Variants in MAGI2 observed in about 807,000 individuals in gnomAD.
The protein encoded by MAGI2 is membrane-associated guanylate kinase, WW and PDZ domain-containing protein 2.
In MAGI2, 35 loss-of-function variants were observed where a neutral mutation model predicts 133.3. The ratio of observed to expected loss-of-function variants is 0.26; its 90% confidence interval spans 0.20 to 0.35. MAGI2 has a LOEUF of 0.35. MAGI2 is among the 10% of genes least tolerant of loss of function. The probability of loss-of-function intolerance (pLI) is 1.00; values close to 1 mark genes in which losing one functional copy is unlikely to be tolerated. For missense variants in MAGI2, 1,636 were observed against 1,863.4 expected, an observed-to-expected ratio of 0.88 and a Z score of 2.25; for synonymous variants, 729 against 710.6, an observed-to-expected ratio of 1.03 and a Z score of -0.41.
intron 1 of MAGI2, among the ~76,000 whole-genome samples, chr7:79,184,295 A>G (rs2129550549): frequency 6.6e-6 from 1 of 151,570 alleles, no homozygotes; most frequent in East Asian, 1.9e-4. Flanking sequence ...AATAAACATT[A>G]TACTATACCC....
intron 1 of MAGI2, among the ~76,000 whole-genome samples, chr7:79,013,560 C>A (rs1808395266): frequency 6.6e-6 from 1 of 152,096 alleles, no homozygotes; most frequent in East Asian, 1.9e-4. Context: ...TGGCTCACCT[C>A]AAAAATGAGA....
intron 6 of MAGI2, among the ~76,000 whole-genome samples, chr7:78,452,725 C>A (rs1226038395): frequency 6.6e-6 from 1 of 150,666 alleles, no homozygotes; most frequent in Non-Finnish European, 1.5e-5. Context: ...CACTAGATAC[C>A]AAGTACCAGG....
intron 1 of MAGI2, among the ~76,000 whole-genome samples, chr7:79,336,278 T>A (rs1198283467): frequency 6.6e-6 from 1 of 152,088 alleles, no homozygotes; most frequent in Non-Finnish European, 1.5e-5. Context: ...GTCACACTAC[T>A]ATTAAGAGGC....
chr7:78,082,044 A>T (rs1585044470), intron 20 of MAGI2, among the ~76,000 whole-genome samples: 1 of 152,280 alleles, frequency 6.6e-6, no homozygotes, highest in East Asian at 1.9e-4. Flanking sequence ...ACCCCCTCGA[A>T]CCCCAAATCG....
rs1431576563 is a variant in MAGI2 at position 78,626,991 on chromosome 7, C to T, written c.538+129G>A. The T allele has an allele frequency of 3.7e-6, 3 of 816,026 alleles. No homozygotes were observed. In the Admixed American group the frequency reaches 1.0e-4, roughly 28 times the overall value. 50.5% of individuals were successfully genotyped at this position (816,026 alleles called of 1,614,324 possible). On this transcript the variant is annotated intron_variant, in intron 3 of 21. Coordinates refer to ENST00000354212, the MANE Select transcript of MAGI2 (RefSeq NM_012301.4). The stretch of plus-strand genomic sequence containing the variant: ...ATTTTAACTTTTTTAGGATACATTT[C>T]TAAACTCATCTTATTAAAGCTCTCA...
intron 2 of MAGI2, among the ~76,000 whole-genome samples, chr7:78,950,687 T>C (rs1320514717): frequency 2.6e-5 from 4 of 152,186 alleles, no homozygotes; most frequent in Non-Finnish European, 5.9e-5. Flanking sequence ...GCAGTCTTTA[T>C]GAGAAAAGAT....
At chr7:78,369,048 A>T in intron 7 of MAGI2, 108 bp downstream of exon 7, 1 of 715,752 alleles carries the variant, frequency 1.4e-6, no homozygotes, top group South Asian at 2.4e-5. Context: ...TCAAAGTAAG[A>T]TGAAAGGGAA....
intron 4 of MAGI2, among the ~76,000 whole-genome samples, chr7:78,517,210 A>G (rs1796116891): frequency 7.4e-6 from 1 of 135,682 alleles, no homozygotes; most frequent in Admixed American, 7.3e-5. Flanking sequence ...AATTTTAAAC[A>G]TCGGTTCAAA....
chr7:79,380,940 G>C (rs1843732408), intron 1 of MAGI2, among the ~76,000 whole-genome samples: 1 of 151,670 alleles, frequency 6.6e-6, no homozygotes, highest in Non-Finnish European at 1.5e-5. Context: ...TGTAATTTTT[G>C]TATATACTTG....
intron 2 of MAGI2, among the ~76,000 whole-genome samples, chr7:78,921,229 C>A (rs1799196874): frequency 6.6e-6 from 1 of 152,116 alleles, no homozygotes; most frequent in Admixed American, 6.6e-5. Context: ...TGGCTATAGT[C>A]TTCTGTTAAT....
At chr7:79,447,875 G>A (rs908897525) in intron 1 of MAGI2, among the ~76,000 whole-genome samples, 1 of 151,802 alleles carries the variant, frequency 6.6e-6, no homozygotes, top group African/African-American at 2.4e-5. Flanking sequence ...ATTGTTGACT[G>A]TGAACACTTA....
chr7:78,261,773 A>T (rs887302791), intron 9 of MAGI2, among the ~76,000 whole-genome samples: 5 of 152,154 alleles, frequency 3.3e-5, no homozygotes, highest in Admixed American at 2.0e-4. Flanking sequence ...GGTTAATAAG[A>T]TTTGACTGAG....
chr7:79,356,901 C>A (rs2129117293), intron 1 of MAGI2, among the ~76,000 whole-genome samples: 1 of 152,180 alleles, frequency 6.6e-6, no homozygotes, highest in South Asian at 2.1e-4. Context: ...GGTCCAAAAT[C>A]AAGAAGAAGA....
intron 3 of MAGI2, chr7:78,568,119 T>A (rs1015758069): frequency 2.6e-5 from 4 of 152,280 alleles, no homozygotes; most frequent in Admixed American, 1.3e-4. Context: ...CTTTTTGGTT[T>A]CTTTTTCTGG....
At chr7:78,345,041 T>C (rs1423829606) in intron 8 of MAGI2, among the ~76,000 whole-genome samples, 3 of 152,216 alleles carry the variant, frequency 2.0e-5, no homozygotes, top group Non-Finnish European at 4.4e-5. Flanking sequence ...GATATCTTTG[T>C]TGTTACATTT....
At chr7:78,491,677 T>C (rs75969910) in intron 5 of MAGI2, among the ~76,000 whole-genome samples, 1 of 152,196 alleles carries the variant, frequency 6.6e-6, no homozygotes, top group African/African-American at 2.4e-5. Flanking sequence ...GCAGACACTT[T>C]CATCTGGTTC....
At position 78,445,674 on chromosome 7, in the gene MAGI2, T is replaced by G. The variant is rs950184819; in HGVS notation, c.1045+44087A>C. Among the ~76,000 whole-genome samples the G allele has an allele frequency of 5.9e-5, 9 of 152,098 alleles. No individual in the cohort carries two copies. In the East Asian group the frequency reaches 1.5e-3, roughly 26 times the overall value. On this transcript the variant is annotated intron_variant, in intron 6 of 21. Coordinates refer to ENST00000354212, the MANE Select transcript of MAGI2 (RefSeq NM_012301.4). ...AATTTCATGTTCTGGAAAATTATAA[T>G]AATTTACTGGGATTCACCTTAATGT...
intron 6 of MAGI2, among the ~76,000 whole-genome samples, chr7:78,467,369 T>G (rs1196342024): frequency 1.3e-5 from 2 of 152,108 alleles, no homozygotes; most frequent in Admixed American, 1.3e-4. Flanking sequence ...GGCAAGGAGA[T>G]ACTTCACTGA....
intron 1 of MAGI2, among the ~76,000 whole-genome samples, chr7:79,209,332 T>C (rs1829312280): frequency 6.6e-6 from 1 of 151,986 alleles, no homozygotes; most frequent in Non-Finnish European, 1.5e-5. Context: ...CTAAATACAA[T>C]GAAAGTGATT....
Sources: gnomAD v4.1 joint callset for allele counts (sites outside exome capture counted in the v4.1 genomes callset) on GRCh38, gnomAD v4.1.1 for gene constraint, MANE v1.5 for transcripts, NCBI Gene and HGNC (gene_info 2026-07-23, HGNC 2026-07-21) for gene names.